The following LUZP1 variants were observed in gnomAD, a reference collection of about 807,000 sequenced individuals.
LUZP1 encodes leucine zipper protein 1.
LUZP1 carries 25 observed loss-of-function variants against 71.3 expected under a neutral mutation model. The observed-to-expected ratio is 0.35, with a 90% confidence interval of 0.26 to 0.49. The LOEUF is 0.49. LUZP1 is among the 20% of genes least tolerant of loss of function. LUZP1 has a pLI of 0.99. For synonymous variants in LUZP1, 481 were observed against 506.4 expected, an observed-to-expected ratio of 0.95 and a Z score of 0.67; for missense variants, 1,142 against 1,300.8, an observed-to-expected ratio of 0.88 and a Z score of 1.88.
chr1:23,147,470 T>C (rs1349387873), intron 2 of LUZP1, among the ~76,000 whole-genome samples: 3 of 150,974 alleles, frequency 2.0e-5, no homozygotes, highest in African/African-American at 7.3e-5. Flanking sequence ...AAGAAATGCT[T>C]AATGCTTTAA....
At chr1:23,163,518 TA>T (rs1173024752) in intron 2 of LUZP1, among the ~76,000 whole-genome samples, 1 of 143,190 alleles carries the variant, frequency 7.0e-6, no homozygotes, top group African/African-American at 2.6e-5. Context: ...ACTGCCACTA[TA>T]CTCCAGATCG....
At chr1:23,145,899 T>C (rs1217862871) in intron 2 of LUZP1, among the ~76,000 whole-genome samples, 3 of 152,340 alleles carry the variant, frequency 2.0e-5, no homozygotes, top group South Asian at 4.1e-4. Context: ...AATTTGAGTA[T>C]ATATTACTCA....
intron 2 of LUZP1, among the ~76,000 whole-genome samples, chr1:23,125,641 C>G (rs1644166553): frequency 6.6e-6 from 1 of 152,102 alleles, no homozygotes; most frequent in South Asian, 2.1e-4. Context: ...AGGGATGTGG[C>G]TAATAGTGAA....
chr1:23,138,566 AAAT>A (rs914437057), intron 2 of LUZP1, among the ~76,000 whole-genome samples: 1 of 152,076 alleles, frequency 6.6e-6, no homozygotes, highest in Non-Finnish European at 1.5e-5. Flanking sequence ...TTCTGAAATT[AAAT>A]AATGATGATG....
intron 3 of LUZP1, among the ~76,000 whole-genome samples, chr1:23,098,139 A>C (rs560024554): frequency 6.6e-6 from 1 of 152,368 alleles, no homozygotes; most frequent in African/African-American, 2.4e-5. Context: ...TAGAGAAACC[A>C]GAATTGGACT....
intron 2 of LUZP1, among the ~76,000 whole-genome samples, chr1:23,146,400 C>G (rs1644343343): frequency 6.6e-6 from 1 of 152,210 alleles, no homozygotes; most frequent in Non-Finnish European, 1.5e-5. Flanking sequence ...TCACACAAAC[C>G]TAGTCACATG....
At chr1:23,119,540 G>C (rs943884005) in intron 2 of LUZP1, among the ~76,000 whole-genome samples, 2 of 152,128 alleles carry the variant, frequency 1.3e-5, no homozygotes, top group African/African-American at 4.8e-5. Flanking sequence ...AACAAAGTCT[G>C]GAGAGGATGT....
At chr1:23,095,717 G>A (rs759506846) in intron 3 of LUZP1, among the ~76,000 whole-genome samples, 4 of 152,108 alleles carry the variant, frequency 2.6e-5, no homozygotes, top group Non-Finnish European at 5.9e-5. Flanking sequence ...AAGAGGACCC[G>A]GGCTCTATTA....
At chr1:23,172,102 C>G (rs113957377) in intron 1 of LUZP1, among the ~76,000 whole-genome samples, 69 of 152,278 alleles carry the variant, frequency 4.5e-4, no homozygotes, top group African/African-American at 1.6e-3. Context: ...TGTGAAAGAG[C>G]TGAGTTCAGA....
At chr1:23,098,642 AGACG>A (rs756794102) in intron 3 of LUZP1, among the ~76,000 whole-genome samples, 5 of 152,226 alleles carry the variant, frequency 3.3e-5, no homozygotes, top group Non-Finnish European at 7.3e-5. Flanking sequence ...GGGCGTCGAC[AGACG>A]GCAGCAACGA....
exon 4 of LUZP1, chr1:23,091,354 G>A (rs542133053): frequency 4.4e-5 from 71 of 1,614,190 alleles, no homozygotes; most frequent in Non-Finnish European, 3.4e-6. Flanking sequence ...TGCTCAAAAA[G>A]GCAGGACCTG....
chr1:23,115,948 C>T (rs771303767), intron 2 of LUZP1, among the ~76,000 whole-genome samples: 35 of 152,320 alleles, frequency 2.3e-4, no homozygotes, highest in African/African-American at 6.5e-4. Flanking sequence ...TATTCACCTA[C>T]GGAGAGAAAG....
chr1:23,127,895 G>A (rs187093004), intron 2 of LUZP1, among the ~76,000 whole-genome samples: 1 of 152,254 alleles, frequency 6.6e-6, no homozygotes, highest in East Asian at 1.9e-4. Context: ...TACTTTGGGA[G>A]GCCGAGGCAG....
chr1:23,091,941 G>C, exon 4 of LUZP1: 2 of 1,614,132 alleles, frequency 1.2e-6, no homozygotes, highest in Non-Finnish European at 8.5e-7. Flanking sequence ...CGTAGTCTCT[G>C]TTCCAGATCC....
intron 4 of LUZP1, 104 bp downstream of exon 3, chr1:23,091,086 C>G: frequency 8.2e-7 from 1 of 1,217,376 alleles, no homozygotes; most frequent in Non-Finnish European, 1.2e-6. Flanking sequence ...CTACTCAGTT[C>G]TCAAGATCCT....
intron 2 of LUZP1, among the ~76,000 whole-genome samples, chr1:23,132,047 C>T (rs1223689047): frequency 6.6e-6 from 1 of 152,140 alleles, no homozygotes. Flanking sequence ...GTTGCCCAAG[C>T]TGGTGTTTCC....
intron 1 of LUZP1, among the ~76,000 whole-genome samples, chr1:23,171,095 A>ATATAT (rs1553143566): frequency 1.4e-5 from 2 of 140,588 alleles, no homozygotes; most frequent in Non-Finnish European, 3.0e-5. Flanking sequence ...TCTCAAAAAA[A>ATATAT]AAAAATATAT....
intron 2 of LUZP1, among the ~76,000 whole-genome samples, chr1:23,161,712 G>A (rs1380792517): frequency 6.6e-6 from 1 of 152,128 alleles, no homozygotes; most frequent in East Asian, 1.9e-4. Context: ...GCTATACAGG[G>A]CATTATAGGT....
Position 23,093,402 on chromosome 1 carries a change from T to G in LUZP1, c.860A>C (p.Lys287Thr). Residue 287 changes from lysine to threonine, a missense_variant, in exon 4 of 5, where the codon AAA becomes ACA. Physicochemically the swap from Lys to Thr is moderately conservative, Grantham distance 78. Transcript: ENST00000302291. This position sits in a 1 kb window ranked among gnomAD's most constrained non-coding sequence, Gnocchi z 4.2. Reference sequence around the variant, plus strand: ...AATCTCTTGGTTAAGGTCTTTGACTTTGTTGTCTTCCTGATTGCGGTTCTT... The same window carrying G: ...AATCTCTTGGTTAAGGTCTTTGACTGTGTTGTCTTCCTGATTGCGGTTCTT... 1.9e-6 allele frequency: 3 copies of G among 1,613,994 alleles called. No homozygotes were observed. The highest frequency in any genetic ancestry group is 2.5e-6 in the Non-Finnish European group (3 of 1,179,996).
Sources: allele counts gnomAD v4.1 joint callset (sites outside exome capture counted in the v4.1 genomes callset), GRCh38; gene constraint gnomAD v4.1.1; non-coding constraint Gnocchi (gnomAD v3.1); transcripts MANE v1.5; gene names NCBI Gene and HGNC (gene_info 2026-07-23, HGNC 2026-07-21).